ARHGAP15: variants seen among roughly 807,000 people sequenced by gnomAD.
The protein encoded by ARHGAP15 is rho GTPase-activating protein 15.
Under a neutral mutation model 63.7 loss-of-function variants are expected in ARHGAP15, and 51 were observed. That is an observed-to-expected ratio of 0.80 (90% CI 0.64 to 1.01). The LOEUF (loss-of-function observed/expected upper bound fraction) is 1.01. ARHGAP15 is among the 50% of genes least tolerant of loss of function. The probability of loss-of-function intolerance (pLI) is 0.00; values close to 1 mark genes in which losing one functional copy is unlikely to be tolerated. For missense variants in ARHGAP15, 560 were observed against 564.6 expected (o/e 0.99, Z 0.08); for synonymous variants, 191 against 193.8 (o/e 0.99, Z 0.12).
intron 13 of ARHGAP15, among the ~76,000 whole-genome samples, chr2:143,764,796 T>C (rs1333935515): frequency 6.6e-6 from 1 of 152,226 alleles, no homozygotes; most frequent in Non-Finnish European, 1.5e-5. Context: ...CATAATTAAA[T>C]AGGTAACTCT....
At chr2:143,736,164 G>A (rs1685737010) in intron 13 of ARHGAP15, among the ~76,000 whole-genome samples, 1 of 152,100 alleles carries the variant, frequency 6.6e-6, no homozygotes, top group African/African-American at 2.4e-5. Context: ...ATCACCGGAG[G>A]TCAGGAGTGG....
chr2:143,404,936 G>A (rs546985478), intron 6 of ARHGAP15, among the ~76,000 whole-genome samples: 12 of 152,052 alleles, frequency 7.9e-5, no homozygotes, highest in South Asian at 4.1e-4. Context: ...ATTGGCATAC[G>A]CAGTATGATG....
intron 9 of ARHGAP15, among the ~76,000 whole-genome samples, chr2:143,500,568 C>T (rs986341675): frequency 1.3e-5 from 2 of 152,102 alleles, no homozygotes; most frequent in Non-Finnish European, 2.9e-5. Flanking sequence ...GATGCTCTGA[C>T]TTTAAAACAA....
Position 143,722,175 on chromosome 2 carries a change from ACACACACACACACACT to A in ARHGAP15, c.1244+18667_1244+18682del, listed in dbSNP as rs530744322. ...TCACTTTAGATACTTGAAAAGAAAC[ACACACACACACACACT>A]CACACACACACACACGGCAAGACCC... On this transcript the variant is annotated intron_variant, in intron 13 of 13. Transcript: ENST00000295095. Among the ~76,000 whole-genome samples, 177 of 150,074 alleles carry A rather than the reference ACACACACACACACACT, an allele frequency of 1.2e-3. 1 individual carries two copies. Among genetic ancestry groups the A allele is most frequent in the Non-Finnish European group, 1.4e-3 (96 of 67,418 alleles).
At chr2:143,422,397 G>T (rs1688960503) in intron 6 of ARHGAP15, among the ~76,000 whole-genome samples, 1 of 152,094 alleles carries the variant, frequency 6.6e-6, no homozygotes, top group African/African-American at 2.4e-5. Flanking sequence ...AATGGCAATG[G>T]AACCATCTTG....
chr2:143,374,994 C>G (rs541474279), intron 6 of ARHGAP15, among the ~76,000 whole-genome samples: 1 of 151,982 alleles, frequency 6.6e-6, no homozygotes, highest in East Asian at 1.9e-4. Flanking sequence ...GAGGGTGAAT[C>G]AACAGTGGGA....
At chr2:143,493,415 G>A (rs1692673632) in intron 9 of ARHGAP15, among the ~76,000 whole-genome samples, 1 of 152,218 alleles carries the variant, frequency 6.6e-6, no homozygotes. Flanking sequence ...GTGGCATGCT[G>A]TGAATTATGG....
intron 6 of ARHGAP15, among the ~76,000 whole-genome samples, chr2:143,341,312 T>C (rs961874121): frequency 5.9e-5 from 9 of 152,138 alleles, no homozygotes; most frequent in African/African-American, 1.9e-4. Context: ...CATATTTGAA[T>C]TGAGATCTTT....
chr2:143,667,077 C>G (rs1351807014), intron 12 of ARHGAP15, among the ~76,000 whole-genome samples: 1 of 151,002 alleles, frequency 6.6e-6, no homozygotes, highest in Non-Finnish European at 1.5e-5. Flanking sequence ...TGGGTATATA[C>G]CCAAAGGACT....
At chr2:143,262,301 T>C (rs1050331555) in intron 6 of ARHGAP15, among the ~76,000 whole-genome samples, 30 of 152,138 alleles carry the variant, frequency 2.0e-4, no homozygotes, top group African/African-American at 6.3e-4. Flanking sequence ...TTCAAAATGA[T>C]GGCTGGCCTC....
chr2:143,265,520 TTGAAAA>T (rs1680945691), intron 6 of ARHGAP15, among the ~76,000 whole-genome samples: 1 of 152,186 alleles, frequency 6.6e-6, no homozygotes, highest in Admixed American at 6.5e-5. Context: ...TTTCTAAAAG[TTGAAAA>T]TGACCTTGCA....
intron 6 of ARHGAP15, among the ~76,000 whole-genome samples, chr2:143,262,762 C>T (rs1680792599): frequency 6.6e-6 from 1 of 152,022 alleles, no homozygotes; most frequent in Admixed American, 6.6e-5. Flanking sequence ...CCCTCTTGTA[C>T]ACATCATGAG....
chr2:143,504,237 G>A (rs994350408), intron 9 of ARHGAP15, among the ~76,000 whole-genome samples: 7 of 152,142 alleles, frequency 4.6e-5, no homozygotes, highest in African/African-American at 1.4e-4. Context: ...AGGCAATTTT[G>A]TTATTCATTT....
intron 2 of ARHGAP15, among the ~76,000 whole-genome samples, chr2:143,171,137 G>T (rs1690764313): frequency 1.3e-5 from 2 of 152,116 alleles, no homozygotes; most frequent in African/African-American, 2.4e-5. Flanking sequence ...CTGAATTAAA[G>T]AAGAAAAATA....
At position 143,724,051 on chromosome 2, in the gene ARHGAP15, ATG is replaced by A. The variant is rs70982882; in HGVS notation, c.1244+20549_1244+20550del. 8.9e-3 allele frequency among the ~76,000 whole-genome samples: 1,328 copies of A among 149,890 alleles called. 17 individuals carry two copies. Among genetic ancestry groups the A allele is most frequent in the African/African-American group, 0.031 (1,255 of 40,590 alleles). ...AATAATACCTAATTTATCCACCTTCATGTGTGTGTGTGTGTGTGTGTGTATGT... is the reference window on the plus strand; with the variant it reads ...AATAATACCTAATTTATCCACCTTCATGTGTGTGTGTGTGTGTGTGTATGT... On this transcript the variant is annotated intron_variant, in intron 13 of 13. Transcript: ENST00000295095.
intron 10 of ARHGAP15, among the ~76,000 whole-genome samples, chr2:143,551,279 G>A (rs1447634764): frequency 6.6e-6 from 1 of 152,040 alleles, no homozygotes; most frequent in Non-Finnish European, 1.5e-5. Flanking sequence ...AGCCTCCTGA[G>A]TAGCTGGGAC....
At chr2:143,488,170 C>T (rs1403526229) in intron 9 of ARHGAP15, among the ~76,000 whole-genome samples, 1 of 152,206 alleles carries the variant, frequency 6.6e-6, no homozygotes, top group Non-Finnish European at 1.5e-5. Flanking sequence ...TTATGATCTT[C>T]TCTGTGCCTC....
At chr2:143,705,105 ACTTAT>A (rs1446605583) in intron 13 of ARHGAP15, among the ~76,000 whole-genome samples, 7 of 152,122 alleles carry the variant, frequency 4.6e-5, no homozygotes, top group Non-Finnish European at 7.4e-5. Context: ...CATTAAACAG[ACTTAT>A]CTTATTATTT....
chr2:143,298,783 A>G (rs1331813721), intron 6 of ARHGAP15, among the ~76,000 whole-genome samples: 1 of 151,962 alleles, frequency 6.6e-6, no homozygotes, highest in African/African-American at 2.4e-5. Context: ...TTATCAAAGT[A>G]AATTGAATTT....
Sources: gnomAD v4.1 joint callset for allele counts (sites outside exome capture counted in the v4.1 genomes callset) on GRCh38, gnomAD v4.1.1 for gene constraint, MANE v1.5 for transcripts, NCBI Gene and HGNC (gene_info 2026-07-23, HGNC 2026-07-21) for gene names.